SMC6: variants seen among roughly 807,000 people sequenced by gnomAD.
SMC6 encodes structural maintenance of chromosomes protein 6.
A neutral mutation model predicts 142.2 loss-of-function variants in SMC6; 79 were observed. The observed-to-expected ratio is 0.56, with a 90% CI of 0.46 to 0.67. The LOEUF is 0.67. Ranked by LOEUF, SMC6 falls within the 30% of genes least tolerant of loss-of-function variation. The probability of loss-of-function intolerance (pLI) is 0.00; values close to 1 mark genes in which losing one functional copy is unlikely to be tolerated. For missense variants in SMC6, 1,072 were observed against 1,284.0 expected (o/e 0.83, Z 2.52); for synonymous variants, 411 against 412.4 (o/e 1.00, Z 0.04).
At chr2:17,730,359 T>C (rs1456559713) in intron 7 of SMC6, among the ~76,000 whole-genome samples, 1 of 151,426 alleles carries the variant, frequency 6.6e-6, no homozygotes, top group Non-Finnish European at 1.5e-5. Flanking sequence ...TAAATTTTCT[T>C]TAAGAATTTA....
At chr2:17,676,299 G>A (rs1166194708) in intron 25 of SMC6, among the ~76,000 whole-genome samples, 1 of 151,918 alleles carries the variant, frequency 6.6e-6, no homozygotes, top group Non-Finnish European at 1.5e-5. Flanking sequence ...ATTAATCATG[G>A]TTAAAAATAC....
At chr2:17,679,115 AT>A in intron 24 of SMC6, 151 bp from the exon 25 acceptor site, 1 of 532,128 alleles carries the variant, frequency 1.9e-6, no homozygotes. Context: ...TTTAGGTAGT[AT>A]TTTTTGCCTT....
chr2:17,750,539 A>G (rs1670972537), intron 2 of SMC6, among the ~76,000 whole-genome samples: 1 of 152,222 alleles, frequency 6.6e-6, no homozygotes, highest in Non-Finnish European at 1.5e-5. Context: ...GCTCTAACAT[A>G]GCAGAGCTCA....
At chr2:17,724,775 C>T (rs555753846) in intron 9 of SMC6, among the ~76,000 whole-genome samples, 1 of 152,290 alleles carries the variant, frequency 6.6e-6, no homozygotes, top group Non-Finnish European at 1.5e-5. Context: ...CTACCAGTTG[C>T]TTAAGGAATG....
At position 17,722,307 on chromosome 2, in the gene SMC6, A is replaced by G. The variant is rs534228323; in HGVS notation, c.727-1046T>C. Among the ~76,000 whole-genome samples the G allele has an allele frequency of 2.1e-4, 32 of 152,106 alleles. No individual in the cohort carries two copies. In the South Asian group the frequency reaches 6.4e-3, roughly 31 times the overall value. ...AGGTGGCCTCATATTTAAGACCCAT[A>G]CCATCCTCTACCTATATCTTGGATT... On this transcript the variant is annotated intron_variant, in intron 9 of 27. Coordinates refer to ENST00000448223, the MANE Select transcript of SMC6 (RefSeq NM_001142286.2).
chr2:17,716,875 C>T lies in SMC6; in HGVS notation c.1212G>A (p.Leu404=). ...STDQSLEPER[L]ERQKKISWLK... Reference sequence around the variant, plus strand: ...ACCAAGATATTTTTTTTTGTCTTTCCAACCGTTCAGGTTCCAAAGATTGGT... The same window carrying T: ...ACCAAGATATTTTTTTTTGTCTTTCTAACCGTTCAGGTTCCAAAGATTGGT... Residue 404 remains leucine (L), a synonymous_variant, in exon 14 of 28, where the codon TTG becomes TTA. Coordinates refer to ENST00000448223, the MANE Select transcript of SMC6 (RefSeq NM_001142286.2). 6.2e-7 allele frequency: 1 copy of T among 1,610,492 alleles called. No individual in the cohort carries two copies. The highest frequency in any genetic ancestry group is 8.5e-7 in the Non-Finnish European group (1 of 1,179,066).
intron 25 of SMC6, among the ~76,000 whole-genome samples, 182 bp from the exon 26 acceptor site, chr2:17,670,757 A>G (rs1277914566): frequency 6.6e-6 from 1 of 152,238 alleles, no homozygotes; most frequent in African/African-American, 2.4e-5. Context: ...TATACGTATA[A>G]TGGTACTTCT....
Position 17,707,329 on chromosome 2 carries a change from AT to A in SMC6, c.1895del (p.Asn632IlefsTer29). 1 of 1,602,306 alleles carries A rather than the reference AT, an allele frequency of 6.2e-7. No homozygotes were observed. The highest frequency in any genetic ancestry group is 8.5e-7 in the Non-Finnish European group (1 of 1,174,832). Reference protein sequence around the residue: ...AVMQSQKPPKNCREAFTADGD... With the variant: ...AVMQSQKPPKXCREAFTADGD... ...CATCAGCAGTAAAAGCTTCTCTACA[AT>A]TTTTGGGTGGCTTTTGGGACTGCAT... On this transcript the variant is annotated frameshift_variant, in exon 18 of 28. Coordinates refer to ENST00000448223, the MANE Select transcript of SMC6 (RefSeq NM_001142286.2). LOFTEE classifies it high-confidence loss of function.
At chr2:17,735,119 CAAAAA>C (rs559011509) in intron 5 of SMC6, among the ~76,000 whole-genome samples, 1 of 143,026 alleles carries the variant, frequency 7.0e-6, no homozygotes, top group African/African-American at 2.7e-5. Flanking sequence ...GCTAAACAAA[CAAAAA>C]AAAAACCACT....
intron 21 of SMC6, among the ~76,000 whole-genome samples, chr2:17,699,884 A>G (rs2124931694): frequency 6.6e-6 from 1 of 152,288 alleles, no homozygotes; most frequent in African/African-American, 2.4e-5. Flanking sequence ...TGGGACAACA[A>G]GCAAGCACAG....
In SMC6 at chr2:17,670,418, A is replaced by T. The variant is rs747160628; in HGVS notation, c.3063+5T>A. On this transcript the variant is annotated splice_donor_5th_base_variant and intron_variant, in intron 26 of 27. Coordinates refer to ENST00000448223, the MANE Select transcript of SMC6 (RefSeq NM_001142286.2). ...TGAAAAAGAGAATTTAAAATTTAAC[A>T]ATACCATGTAGACATCAAATTCATC... The T allele has an allele frequency of 7.5e-6, 12 of 1,603,608 alleles. No individual in the cohort carries two copies. The East Asian group carries it at 2.0e-4, about 27-fold the overall frequency.
At chr2:17,740,086 T>C (rs774153088) in intron 4 of SMC6, among the ~76,000 whole-genome samples, 12 of 152,164 alleles carry the variant, frequency 7.9e-5, no homozygotes, top group Non-Finnish European at 1.2e-4. Flanking sequence ...CTAACTCTCT[T>C]TTCTTCATTA....
intron 24 of SMC6, chr2:17,681,001 T>C (rs746570239): frequency 6.6e-6 from 1 of 152,246 alleles, no homozygotes; most frequent in Non-Finnish European, 1.5e-5. Flanking sequence ...TTTGTCTGTG[T>C]TGAAAATCCA....
At chr2:17,679,671 C>T (rs1347766569) in intron 24 of SMC6, 1 of 152,252 alleles carries the variant, frequency 6.6e-6, no homozygotes, top group East Asian at 1.9e-4. Context: ...TCAGACTGTC[C>T]TAGATTTTTC....
At chr2:17,708,228 A>T (rs1172573082) in intron 17 of SMC6, among the ~76,000 whole-genome samples, 1 of 152,106 alleles carries the variant, frequency 6.6e-6, no homozygotes, top group East Asian at 1.9e-4. Context: ...GTAAATATTG[A>T]TTTATCTAAC....
intron 25 of SMC6, among the ~76,000 whole-genome samples, chr2:17,675,050 C>T (rs1463043254): frequency 1.3e-4 from 20 of 152,036 alleles, no homozygotes; most frequent in Non-Finnish European, 2.9e-4. Flanking sequence ...CATCTCCTTT[C>T]AATTTGTTCC....
intron 23 of SMC6, among the ~76,000 whole-genome samples, chr2:17,694,020 AAAAAG>A (rs1205094184): frequency 0.13 from 17,475 of 135,736 alleles, 2,132 homozygotes; most frequent in African/African-American, 0.35. Flanking sequence ...AAAAAAAAAA[AAAAAG>A]AATGAAATCC....
At chr2:17,735,942 A>T (rs530737144) in intron 5 of SMC6, among the ~76,000 whole-genome samples, 36 of 152,332 alleles carry the variant, frequency 2.4e-4, no homozygotes, top group African/African-American at 8.7e-4. Flanking sequence ...AGTCCTTAGA[A>T]CTACCTCAAA....
chr2:17,671,385 C>T (rs1412914126), intron 25 of SMC6, among the ~76,000 whole-genome samples: 7 of 132 alleles, frequency 0.053, no homozygotes, highest in South Asian at 0.25. Context: ...TTAAAGGAAC[C>T]CTAGAAGTTC....
Sources: gnomAD v4.1 joint callset for allele counts (sites outside exome capture counted in the v4.1 genomes callset) on GRCh38, gnomAD v4.1.1 for gene constraint, MANE v1.5 for transcripts, NCBI Gene and HGNC (gene_info 2026-07-23, HGNC 2026-07-21) for gene names.